ANK3: variants seen among roughly 807,000 people sequenced by gnomAD.
ANK3 encodes the protein ankyrin 3.
In ANK3, 57 loss-of-function variants were observed where a neutral mutation model predicts 370.9. The observed-to-expected ratio is 0.15, with a 90% CI of 0.12 to 0.19. The LOEUF is 0.19. Among genes scored for constraint, ANK3 ranks in the 10% least tolerant of loss-of-function variants. The pLI is 1.00. For missense variants in ANK3, 4,439 were observed against 5,302.1 expected, an observed-to-expected ratio of 0.84 and a Z score of 5.06; for synonymous variants, 1,929 against 1,946.3, an observed-to-expected ratio of 0.99 and a Z score of 0.23.
intron 8 of ANK3, among the ~76,000 whole-genome samples, chr10:60,214,340 T>A (rs1031300411): frequency 6.6e-6 from 1 of 152,174 alleles, no homozygotes. Flanking sequence ...CTGAATTCCA[T>A]GTGAAAAATT....
chr10:60,048,518 G>A (rs756250222), intron 42 of ANK3, among the ~76,000 whole-genome samples: 2 of 152,182 alleles, frequency 1.3e-5, no homozygotes, highest in Non-Finnish European at 2.9e-5. Flanking sequence ...AAAATCTGCA[G>A]ATGCTCAAGT....
chr10:60,353,810 C>T lies in ANK3; in HGVS notation c.114+35615G>A, dbSNP rs564683866. 3.3e-5 allele frequency among the ~76,000 whole-genome samples: 5 copies of T among 152,330 alleles called. No individual in the cohort carries two copies. The East Asian group carries it at 9.6e-4, about 29-fold the overall frequency. The stretch of plus-strand genomic sequence containing the variant: ...ATTGCCTCAGAAACCTACTGTTTCA[C>T]CCCACTAACCTTTGACTCAATTCTC... On this transcript the variant is annotated intron_variant, in intron 1 of 43. Coordinates refer to ENST00000280772, the MANE Select transcript of ANK3 (RefSeq NM_020987.5).
At chr10:60,080,105 C>T (rs111672235) in intron 36 of ANK3, among the ~76,000 whole-genome samples, 63 of 152,078 alleles carry the variant, frequency 4.1e-4, no homozygotes, top group African/African-American at 1.4e-3. Context: ...GAAAAAGAAT[C>T]GGGACTAGGA....
At chr10:60,327,076 A>C (rs1387962199) in intron 1 of ANK3, among the ~76,000 whole-genome samples, 1 of 151,946 alleles carries the variant, frequency 6.6e-6, no homozygotes, top group Non-Finnish European at 1.5e-5. Context: ...TCAGATCTTT[A>C]TTTTTATCGG....
In ANK3 at chr10:60,071,513, T is replaced by C. The variant is rs10821668; in HGVS notation, c.9368A>G (p.Lys3123Arg). 391,288 of 1,613,926 alleles carry C rather than the reference T, an allele frequency of 0.24. 51,397 individuals are homozygous for C. The highest frequency in any genetic ancestry group is 0.27 in the Non-Finnish European group (322,515 of 1,179,904). The stretch of plus-strand genomic sequence containing the variant: ...GGTCCCCCTGGTTTCTTGTACTGTC[T>C]TACATTCCTGACTTATGATTTTTTT... ...GVKKIISQEC[K>R]TVQETRGTFY... The change falls in exon 37 of 44, where the codon AAG becomes AGG. Residue 3123 changes from lysine to arginine, a missense_variant. Transcript: ENST00000280772.
chr10:60,221,225 G>A (rs1208074248), intron 8 of ANK3, among the ~76,000 whole-genome samples: 3 of 151,774 alleles, frequency 2.0e-5, no homozygotes, highest in Admixed American at 2.0e-4. Context: ...GATTACAGGC[G>A]CCTGCCACCA....
At chr10:60,375,927 T>C (rs2060712343) in intron 1 of ANK3, among the ~76,000 whole-genome samples, 1 of 151,792 alleles carries the variant, frequency 6.6e-6, no homozygotes, top group Admixed American at 6.6e-5. Flanking sequence ...AAGAAAGGAG[T>C]GGGGAAGTGG....
Position 60,069,700 on chromosome 10 carries a change from A to G in ANK3, c.11181T>C (p.Ser3727=). 1 of 1,613,844 alleles carries G rather than the reference A, an allele frequency of 6.2e-7. No homozygotes were observed. The highest frequency in any genetic ancestry group is 8.5e-7 in the Non-Finnish European group (1 of 1,179,948). Residue 3727 remains serine (S), a synonymous_variant, in exon 37 of 44, where the codon TCT becomes TCC. Coordinates refer to ENST00000280772, the MANE Select transcript of ANK3 (RefSeq NM_020987.5). ...KLRTPIKMGI[S]ASTMTMKKEG... is the part of the protein sequence containing the mutation. ...CTTTCTTCATGGTCATGGTGGATGCAGAAATTCCCATTTTTATAGGCGTGC... is the reference window on the plus strand; with the variant it reads ...CTTTCTTCATGGTCATGGTGGATGCGGAAATTCCCATTTTTATAGGCGTGC...
intron 2 of ANK3, among the ~76,000 whole-genome samples, chr10:60,580,942 C>A (rs1230585188): frequency 6.6e-6 from 1 of 152,154 alleles, no homozygotes; most frequent in African/African-American, 2.4e-5. Flanking sequence ...TAGGTCCAGG[C>A]AAACTTTTAT....
intron 16 of ANK3, among the ~76,000 whole-genome samples, chr10:60,192,144 A>G (rs1187687326): frequency 2.0e-5 from 3 of 152,024 alleles, no homozygotes; most frequent in African/African-American, 7.2e-5. Flanking sequence ...CACCCGTCTC[A>G]GTCTTCCAAA....
intron 1 of ANK3, among the ~76,000 whole-genome samples, chr10:60,360,387 T>C (rs2132731945): frequency 6.6e-6 from 1 of 152,350 alleles, no homozygotes; most frequent in African/African-American, 2.4e-5. Context: ...TATGAAATAT[T>C]TCTTACTATG....
At chr10:60,239,309 T>C (rs191053407) in intron 7 of ANK3, among the ~76,000 whole-genome samples, 46 of 151,496 alleles carry the variant, frequency 3.0e-4, no homozygotes, top group Non-Finnish European at 5.2e-4. Flanking sequence ...CCAAGCAAGA[T>C]AAACAATAAA....
At chr10:60,386,657 C>A (rs904701916) in intron 1 of ANK3, among the ~76,000 whole-genome samples, 1 of 151,910 alleles carries the variant, frequency 6.6e-6, no homozygotes, top group African/African-American at 2.4e-5. Context: ...GTTAAGTCTA[C>A]ATATGTATTA....
chr10:60,470,991 C>T (rs547035741), intron 2 of ANK3, among the ~76,000 whole-genome samples: 3 of 152,158 alleles, frequency 2.0e-5, no homozygotes, highest in African/African-American at 7.2e-5. Flanking sequence ...TCCCCTGGTG[C>T]CCTTATTATT....
chr10:60,302,105 T>C (rs573445461), intron 1 of ANK3, among the ~76,000 whole-genome samples: 1 of 152,162 alleles, frequency 6.6e-6, no homozygotes, highest in Non-Finnish European at 1.5e-5. Context: ...AAAATCCCTA[T>C]TTTTTATGAA....
chr10:60,176,368 C>CAGAA (rs1555069903), intron 18 of ANK3, among the ~76,000 whole-genome samples: 2 of 102,352 alleles, frequency 2.0e-5, no homozygotes, highest in African/African-American at 3.7e-5. Context: ...CTCTGTCTCC[C>CAGAA]AAAAAAAAAA....
At chr10:60,270,093 T>C (rs1204458821) in intron 5 of ANK3, 38 bp downstream of exon 5, 1 of 1,404,570 alleles carries the variant, frequency 7.1e-7, no homozygotes, top group Non-Finnish European at 9.6e-7. Flanking sequence ...GCCCTATAAA[T>C]ACGTGAACTC....
intron 18 of ANK3, among the ~76,000 whole-genome samples, chr10:60,176,365 T>TC (rs1400799708): frequency 4.4e-4 from 19 of 43,506 alleles, no homozygotes; most frequent in African/African-American, 1.7e-3. Flanking sequence ...AGACTCTGTC[T>TC]CCCAAAAAAA....
At chr10:60,377,360 A>C (rs2060925507) in intron 1 of ANK3, among the ~76,000 whole-genome samples, 1 of 152,228 alleles carries the variant, frequency 6.6e-6, no homozygotes, top group African/African-American at 2.4e-5. Flanking sequence ...CAAGGTTATG[A>C]TTTTGACAAA....
Sources: allele counts gnomAD v4.1 joint callset (sites outside exome capture counted in the v4.1 genomes callset), GRCh38; gene constraint gnomAD v4.1.1; transcripts MANE v1.5; gene names NCBI Gene and HGNC (gene_info 2026-07-23, HGNC 2026-07-21).